The following CHD7 variants were observed in gnomAD, a reference collection of about 807,000 sequenced individuals.
CHD7 encodes ATP-dependent chromatin remodeler CHD7.
Under a neutral mutation model 307.3 loss-of-function variants are expected in CHD7, and 24 were observed. The observed-to-expected ratio is 0.08, with a 90% CI of 0.06 to 0.11. The LOEUF is 0.11. CHD7 is among the 10% of genes least tolerant of loss of function. CHD7 has a pLI of 1.00. For missense variants in CHD7, 3,106 were observed against 3,727.1 expected (o/e 0.83, Z 4.34); for synonymous variants, 1,363 against 1,349.9 (o/e 1.01, Z -0.21).
intron 2 of CHD7, among the ~76,000 whole-genome samples, chr8:60,779,387 A>G (rs912273104): frequency 3.3e-5 from 5 of 152,238 alleles, no homozygotes; most frequent in Non-Finnish European, 7.3e-5. Flanking sequence ...AGAGGTGGAC[A>G]GAATCAGAAA....
At chr8:60,754,848 T>C (rs6994180) in intron 2 of CHD7, among the ~76,000 whole-genome samples, 117,798 of 152,180 alleles carry the variant, frequency 0.77, 45,871 homozygotes, top group East Asian at 0.94. Context: ...AAGAAGTTCA[T>C]CCACTGACCT....
chr8:60,762,563 G>A (rs1204531370), intron 2 of CHD7, among the ~76,000 whole-genome samples: 1 of 152,188 alleles, frequency 6.6e-6, no homozygotes. Context: ...CGTGTTATTA[G>A]AAAGACTGAG....
chr8:60,692,932 C>T (rs1204673349), intron 1 of CHD7, among the ~76,000 whole-genome samples: 1 of 152,332 alleles, frequency 6.6e-6, no homozygotes, highest in East Asian at 1.9e-4. Flanking sequence ...GTATCTCCCC[C>T]AAACTCCTAT....
intron 7 of CHD7, among the ~76,000 whole-genome samples, chr8:60,811,836 A>C (rs1278616408): frequency 3.3e-5 from 5 of 152,178 alleles, no homozygotes; most frequent in African/African-American, 1.2e-4. Context: ...CAACCTTTCT[A>C]ATATAGTGTG....
At position 60,854,653 on chromosome 8, in the gene CHD7, TCTTATA is replaced by T. The variant is rs1174802910; in HGVS notation, c.6936+134_6936+139del. 2.9e-5 allele frequency: 21 copies of T among 715,980 alleles called. 1 individual carries two copies. The highest frequency in any genetic ancestry group is 4.1e-5 in the Non-Finnish European group (20 of 485,048). The allele number at this position is 715,980 out of a possible 1,614,324, so 44.4% of individuals were successfully genotyped here. Reference sequence around the variant, plus strand: ...ACAGTATATGAAGACTATAGATTTTTCTTATACTTTTAAAGAATGATCTGAAAAAGC... The same window carrying T: ...ACAGTATATGAAGACTATAGATTTTTCTTTTAAAGAATGATCTGAAAAAGC... On this transcript the variant is annotated intron_variant, in intron 32 of 37. Coordinates refer to ENST00000423902, the MANE Select transcript of CHD7 (RefSeq NM_017780.4).
At chr8:60,830,614 G>T (rs534374714) in intron 15 of CHD7, 37 bp downstream of exon 15, 12 of 1,600,394 alleles carry the variant, frequency 7.5e-6, no homozygotes, top group East Asian at 2.2e-5. Context: ...CTTAAGTGAC[G>T]ATTGAAGCAC....
intron 1 of CHD7, among the ~76,000 whole-genome samples, chr8:60,700,542 G>A (rs1364566532): frequency 6.6e-6 from 1 of 152,220 alleles, no homozygotes; most frequent in Non-Finnish European, 1.5e-5. Context: ...CATGATGTTA[G>A]GTGACTGAAT....
chr8:60,769,104 A>G (rs1347492768), intron 2 of CHD7, among the ~76,000 whole-genome samples: 2 of 152,240 alleles, frequency 1.3e-5, no homozygotes, highest in Admixed American at 1.3e-4. Context: ...TCCTTTTGTA[A>G]TAGCATCTCT....
chr8:60,694,834 T>C (rs540620835), intron 1 of CHD7, among the ~76,000 whole-genome samples: 3 of 152,080 alleles, frequency 2.0e-5, no homozygotes, highest in East Asian at 1.9e-4. Context: ...TAGGGAGAGG[T>C]TGAGCAGTGG....
chr8:60,803,622 T>A (rs1812413209), intron 6 of CHD7, among the ~76,000 whole-genome samples: 1 of 152,164 alleles, frequency 6.6e-6, no homozygotes, highest in South Asian at 2.1e-4. Context: ...TGAGGTATGA[T>A]TTAAAATAAA....
chr8:60,758,367 G>A (rs77247256), intron 2 of CHD7, among the ~76,000 whole-genome samples: 28 of 152,154 alleles, frequency 1.8e-4, no homozygotes, highest in African/African-American at 6.5e-4. Context: ...CAACTGATCC[G>A]CACCCCTTGG....
Position 60,838,498 on chromosome 8 carries a change from C to T in CHD7, c.4533+243C>T, listed in dbSNP as rs572725703. On this transcript the variant is annotated intron_variant, in intron 19 of 37. Transcript: ENST00000423902. ...CTGCTTCCCAGCTCCTGAGGCTAATCGCTCACTTGTGTTCTTGACTCTATT... is the reference window on the plus strand; with the variant it reads ...CTGCTTCCCAGCTCCTGAGGCTAATTGCTCACTTGTGTTCTTGACTCTATT... Among the ~76,000 whole-genome samples, 5 of 152,322 alleles carry T rather than the reference C, an allele frequency of 3.3e-5. No individual in the cohort carries two copies. The South Asian group carries it at 8.3e-4, about 25-fold the overall frequency.
chr8:60,755,030 A>G (rs1207896370), intron 2 of CHD7, among the ~76,000 whole-genome samples: 2 of 152,170 alleles, frequency 1.3e-5, no homozygotes, highest in Non-Finnish European at 2.9e-5. Context: ...ATGAACTTAT[A>G]CTTTAGTGGA....
At chr8:60,690,206 A>G (rs1806126713) in intron 1 of CHD7, among the ~76,000 whole-genome samples, 1 of 152,204 alleles carries the variant, frequency 6.6e-6, no homozygotes, top group South Asian at 2.1e-4. Context: ...TAAAAAAAAA[A>G]AAATCCCAAG....
intron 1 of CHD7, among the ~76,000 whole-genome samples, chr8:60,696,466 G>A (rs1176902362): frequency 1.3e-5 from 2 of 152,090 alleles, no homozygotes; most frequent in Non-Finnish European, 2.9e-5. Context: ...GATCTAAGAC[G>A]CAGTTTCTTC....
chr8:60,821,859 G>A lies in CHD7; in HGVS notation c.2767G>A (p.Asp923Asn). 6.2e-7 allele frequency: 1 copy of A among 1,603,154 alleles called. No individual in the cohort carries two copies. The highest frequency in any genetic ancestry group is 1.3e-5 in the African/African-American group (1 of 74,836). The stretch of plus-strand genomic sequence containing the variant: ...AGACAGCACGTGGGAGCGGAGGCAG[G>A]ACATAGATCAAGCAAAGATCGAGGA... ...YEDSTWERRQ[D>N]IDQAKIEEFE... Residue 923 changes from aspartate to asparagine, a missense_variant, in exon 10 of 38, where the codon GAC becomes AAC. By Grantham distance (23) the Asp-to-Asn change is conservative. Coordinates refer to ENST00000423902, the MANE Select transcript of CHD7 (RefSeq NM_017780.4).
At chr8:60,795,996 C>T (rs947711483) in intron 4 of CHD7, among the ~76,000 whole-genome samples, 1 of 152,162 alleles carries the variant, frequency 6.6e-6, no homozygotes, top group African/African-American at 2.4e-5. Context: ...GGACTTTGCA[C>T]CTGTACCCCC....
At position 60,865,192 on chromosome 8, in the gene CHD7, T is replaced by C; in HGVS notation, c.8253T>C (p.Ala2751=). The change falls in exon 38 of 38, where the codon GCT becomes GCC. Residue 2751 remains alanine (A), a synonymous_variant. Coordinates refer to ENST00000423902, the MANE Select transcript of CHD7 (RefSeq NM_017780.4). The surrounding 1 kb of genome is among the most constrained non-coding windows in gnomAD (Gnocchi z 4.3). ...INPLLVNSLF[A]GMDLTSLQNL... is the part of the protein sequence containing the mutation. ...CTTTGCTGGTGAACAGCCTGTTTGC[T>C]GGAATGGACCTGACGAGCCTTCAGA... 6.2e-7 allele frequency: 1 copy of C among 1,611,852 alleles called. No individual in the cohort carries two copies. Among genetic ancestry groups the C allele is most frequent in the East Asian group, 2.2e-5 (1 of 44,840 alleles).
chr8:60,757,430 T>G (rs1201503591), intron 2 of CHD7, among the ~76,000 whole-genome samples: 1 of 152,364 alleles, frequency 6.6e-6, no homozygotes, highest in East Asian at 1.9e-4. Context: ...CTTTTTCAGT[T>G]TGAATACATG....
Sources: gnomAD v4.1 joint callset for allele counts (sites outside exome capture counted in the v4.1 genomes callset) on GRCh38, gnomAD v4.1.1 for gene constraint, Gnocchi (gnomAD v3.1) non-coding constraint, MANE v1.5 for transcripts, NCBI Gene and HGNC (gene_info 2026-07-23, HGNC 2026-07-21) for gene names.